The following KDM4B variants were observed in gnomAD, a reference collection of about 807,000 sequenced individuals.
KDM4B encodes lysine-specific demethylase 4B.
A neutral mutation model predicts 125.2 loss-of-function variants in KDM4B; 32 were observed. The observed-to-expected ratio is 0.26, with a 90% CI of 0.19 to 0.34. The LOEUF (loss-of-function observed/expected upper bound fraction) is 0.34, where lower values mean the gene tolerates loss of function less well. Among genes scored for constraint, KDM4B ranks in the 10% least tolerant of loss-of-function variants. KDM4B has a pLI of 1.00. For missense variants in KDM4B, 1,190 were observed against 1,577.7 expected (o/e 0.75, Z 4.16); for synonymous variants, 721 against 677.9 (o/e 1.06, Z -0.99).
At chr19:5,053,209 C>G (rs572851412) in intron 6 of KDM4B, among the ~76,000 whole-genome samples, 1 of 152,358 alleles carries the variant, frequency 6.6e-6, no homozygotes, top group African/African-American at 2.4e-5. Flanking sequence ...CCTTGCCACC[C>G]GAGGCCCAAC....
rs1360781587 is a variant in KDM4B at position 5,132,732 on chromosome 19, A to T, written c.1906+725A>T. 4.0e-5 allele frequency among the ~76,000 whole-genome samples: 4 copies of T among 100,314 alleles called. No individual in the cohort carries two copies. In the Admixed American group the frequency reaches 4.2e-4, roughly 11 times the overall value. 65.8% of individuals were successfully genotyped at this position (100,314 alleles called of 152,430 possible). On this transcript the variant is annotated intron_variant, in intron 13 of 22. Coordinates refer to ENST00000159111, the MANE Select transcript of KDM4B (RefSeq NM_015015.3). ...CTCCGTGGACTCCCCCACTCCCCAC[A>T]CCCCACTGTGACCCTTTGGTGAGAC...
chr19:5,008,791 C>G (rs922306095), intron 1 of KDM4B, among the ~76,000 whole-genome samples: 6 of 149,912 alleles, frequency 4.0e-5, no homozygotes, highest in Non-Finnish European at 8.9e-5. Context: ...TTAGTAGAGA[C>G]AGGTTTTCAC....
At chr19:5,038,900 C>T (rs1463053201) in intron 3 of KDM4B, among the ~76,000 whole-genome samples, 1 of 152,262 alleles carries the variant, frequency 6.6e-6, no homozygotes, top group Non-Finnish European at 1.5e-5. Flanking sequence ...TCACTCCAGG[C>T]GGGGCGGAGG....
chr19:4,978,086 C>T (rs2034510761), intron 1 of KDM4B, among the ~76,000 whole-genome samples: 2 of 152,160 alleles, frequency 1.3e-5, no homozygotes, highest in African/African-American at 2.4e-5. Context: ...GAGAAGATTG[C>T]CGTCCCTAGC....
intron 3 of KDM4B, among the ~76,000 whole-genome samples, chr19:5,039,230 G>A (rs2036726170): frequency 6.6e-6 from 1 of 152,294 alleles, no homozygotes; most frequent in Non-Finnish European, 1.5e-5. Flanking sequence ...AATCACTTGA[G>A]GCCAGGAGTT....
chr19:5,050,327 A>C (rs2037179180), intron 6 of KDM4B, among the ~76,000 whole-genome samples: 1 of 152,226 alleles, frequency 6.6e-6, no homozygotes, highest in African/African-American at 2.4e-5. Context: ...CAGCGGGGCT[A>C]AGAATATCTG....
At chr19:5,087,938 C>T (rs1338740166) in intron 9 of KDM4B, among the ~76,000 whole-genome samples, 1 of 152,116 alleles carries the variant, frequency 6.6e-6, no homozygotes, top group East Asian at 1.9e-4. Context: ...GTGAGGGCAC[C>T]GGGCAGCACA....
At chr19:5,040,583 G>A (rs1389314602) in intron 4 of KDM4B, among the ~76,000 whole-genome samples, 3 of 152,154 alleles carry the variant, frequency 2.0e-5, no homozygotes, top group Non-Finnish European at 4.4e-5. Flanking sequence ...TGCGTGTACC[G>A]GCAGTGTTCC....
At chr19:5,125,566 C>T (rs1568312827) in intron 11 of KDM4B, among the ~76,000 whole-genome samples, 1 of 152,236 alleles carries the variant, frequency 6.6e-6, no homozygotes, top group Non-Finnish European at 1.5e-5. Flanking sequence ...TCGCTCCCTC[C>T]CGAGATCCCC....
intron 15 of KDM4B, among the ~76,000 whole-genome samples, chr19:5,136,444 C>T (rs765931142): frequency 4.6e-5 from 7 of 152,194 alleles, no homozygotes; most frequent in Non-Finnish European, 7.3e-5. Flanking sequence ...AGATCTGTGT[C>T]GGTTTCCTCC....
In KDM4B at chr19:5,144,776, C is replaced by T; in HGVS notation, c.2902-7C>T. 1 of 1,613,464 alleles carries T rather than the reference C, an allele frequency of 6.2e-7. No homozygotes were observed. Among genetic ancestry groups the T allele is most frequent in the Non-Finnish European group, 8.5e-7 (1 of 1,179,964 alleles). The stretch of plus-strand genomic sequence containing the variant: ...AGGACCTCACCTCCCACCTCTTCTC[C>T]CTGCAGAGTAGGGACTGTGTCCAGC... On this transcript the variant is annotated splice_region_variant and splice_polypyrimidine_tract_variant and intron_variant, in intron 20 of 22. Transcript: ENST00000159111.
intron 4 of KDM4B, 136 bp downstream of exon 4, chr19:5,040,147 GC>G: frequency 1.0e-6 from 1 of 997,376 alleles, no homozygotes. Context: ...CCCCGTGTGG[GC>G]TGTGGCGACC....
In KDM4B at chr19:5,114,028, C is replaced by T. The variant is rs909677645; in HGVS notation, c.1115+3210C>T. 44 of 1,282,958 alleles carry T rather than the reference C, an allele frequency of 3.4e-5. No homozygotes were observed. The highest frequency in any genetic ancestry group is 4.3e-5 in the Non-Finnish European group (42 of 985,098). 79.5% of individuals were successfully genotyped at this position (1,282,958 alleles called of 1,614,324 possible). A position where few individuals can be genotyped will look rare whatever the true frequency, so the allele number is the denominator to read the frequency against. ...GTTGGGGGCTGTTTGTATTCTTCCC[C>T]CTGATGGATGGGTCGCCTAAAACTG... On this transcript the variant is annotated intron_variant, in intron 10 of 22. Transcript: ENST00000159111. This position sits in a 1 kb window ranked among gnomAD's most constrained non-coding sequence, Gnocchi z 5.8.
intron 1 of KDM4B, among the ~76,000 whole-genome samples, chr19:4,979,431 G>A (rs866509825): frequency 6.6e-6 from 1 of 152,352 alleles, no homozygotes. Context: ...AGGAAGTAGC[G>A]AGAGGAACTT....
In KDM4B at chr19:5,134,029, G is replaced by A. The variant is rs768730414; in HGVS notation, c.2053G>A (p.Ala685Thr). Reference protein sequence around the residue: ...AAAARTEPYCAICTLFYPYCQ... With the variant: ...AAAARTEPYCTICTLFYPYCQ... ...GGCTGCGCGCACGGAGCCCTACTGC[G>A]CCATCTGCACGCTCTTCTACCCCTA... The change falls in exon 14 of 23, where the codon GCC becomes ACC. Residue 685 changes from alanine (A) to threonine (T), a missense_variant. By Grantham distance (58) the Ala-to-Thr change is moderately conservative. Transcript: ENST00000159111. 8 of 1,607,620 alleles carry A rather than the reference G, an allele frequency of 5.0e-6. No homozygotes were observed. The highest frequency in any genetic ancestry group is 2.2e-5 in the East Asian group (1 of 44,798).
intron 1 of KDM4B, among the ~76,000 whole-genome samples, chr19:5,012,608 G>T (rs1238003580): frequency 3.3e-5 from 5 of 152,228 alleles, no homozygotes; most frequent in Non-Finnish European, 5.9e-5. Flanking sequence ...TGTTGAGGGG[G>T]CTGGCCAGGC....
intron 1 of KDM4B, among the ~76,000 whole-genome samples, chr19:4,987,074 T>G (rs928896876): frequency 2.0e-4 from 31 of 152,032 alleles, no homozygotes; most frequent in African/African-American, 7.2e-4. Flanking sequence ...TTCTCCTGCC[T>G]CAGCCTCCTG....
intron 1 of KDM4B, among the ~76,000 whole-genome samples, chr19:5,003,350 G>A (rs1017930649): frequency 1.3e-5 from 2 of 152,126 alleles, no homozygotes; most frequent in South Asian, 2.1e-4. Context: ...GTGTGGTGGC[G>A]CATGCCTGTA....
intron 9 of KDM4B, among the ~76,000 whole-genome samples, chr19:5,083,729 G>A (rs1015201101): frequency 1.3e-5 from 2 of 152,210 alleles, no homozygotes; most frequent in African/African-American, 2.4e-5. Context: ...CTCTGGTTTG[G>A]GGTCATGTGG....
Sources: allele counts gnomAD v4.1 joint callset (sites outside exome capture counted in the v4.1 genomes callset), GRCh38; gene constraint gnomAD v4.1.1; non-coding constraint Gnocchi (gnomAD v3.1); transcripts MANE v1.5; gene names NCBI Gene and HGNC (gene_info 2026-07-23, HGNC 2026-07-21).